KIF1A: variants seen among roughly 807,000 people sequenced by gnomAD.
The protein encoded by KIF1A is kinesin-like protein KIF1A.
Under a neutral mutation model 227.3 loss-of-function variants are expected in KIF1A, and 46 were observed. The observed-to-expected ratio is 0.20, with a 90% CI of 0.16 to 0.26. The LOEUF is 0.26. Ranked by LOEUF, KIF1A falls within the 10% of genes least tolerant of loss-of-function variation. The pLI is 1.00. For synonymous variants in KIF1A, 1,022 were observed against 1,012.8 expected (o/e 1.01, Z -0.17); for missense variants, 1,683 against 2,485.9 (o/e 0.68, Z 6.87).
At chr2:240,730,968 G>A (rs2046534009) in intron 38 of KIF1A, among the ~76,000 whole-genome samples, 1 of 152,182 alleles carries the variant, frequency 6.6e-6, no homozygotes, top group African/African-American at 2.4e-5. Flanking sequence ...CACCCTCCAA[G>A]CCCCCTGAGG....
chr2:240,725,766 C>A lies in KIF1A; in HGVS notation c.4123-362G>T. ...AATGTCTGTGAGGATCAAACCAGGT[C>A]TTGTTTGAATGTGCACATTTTAACC... On this transcript the variant is annotated intron_variant, in intron 39 of 48. Transcript: ENST00000498729. This position sits in a 1 kb window ranked among gnomAD's most constrained non-coding sequence, Gnocchi z 5.8. The A allele has an allele frequency of 4.7e-6, 1 of 214,766 alleles. No individual in the cohort carries two copies. Among genetic ancestry groups the A allele is most frequent in the Non-Finnish European group, 9.2e-6 (1 of 108,734 alleles). 13.3% of individuals were successfully genotyped at this position (214,766 alleles called of 1,614,324 possible). A position where few individuals can be genotyped will look rare whatever the true frequency, so the allele number is the denominator to read the frequency against.
intron 1 of KIF1A, among the ~76,000 whole-genome samples, chr2:240,812,954 CAA>C (rs2058036433): frequency 5.0e-3 from 704 of 141,148 alleles, no homozygotes; most frequent in African/African-American, 0.017. Flanking sequence ...GCCTTCACCT[CAA>C]GGATCCACCT....
intron 1 of KIF1A, among the ~76,000 whole-genome samples, chr2:240,807,151 T>TATAC (rs1421176467): frequency 1.5e-5 from 2 of 136,150 alleles, no homozygotes; most frequent in Non-Finnish European, 3.2e-5. Context: ...TATATATATA[T>TATAC]ACACAGAGAG....
rs1559531341 is a variant in KIF1A, at chr2:240,788,016, GC to G, written c.363+34del. 5 of 1,520,336 alleles carry G rather than the reference GC, an allele frequency of 3.3e-6. No homozygotes were observed. In the Admixed American group the frequency reaches 9.8e-5, roughly 30 times the overall value. The allele number at this position is 1,520,336 out of a possible 1,614,324, so 94.2% of individuals were successfully genotyped here. Reference sequence around the variant, plus strand: ...AGCCTCAGCTGGTCCCGCCCCATCTGCCAGGGCTGCCCCCGCCCGCCCCCCG... The same window carrying G: ...AGCCTCAGCTGGTCCCGCCCCATCTGCAGGGCTGCCCCCGCCCGCCCCCCG... On this transcript the variant is annotated intron_variant, in intron 4 of 48. Transcript: ENST00000498729. This position sits in a 1 kb window ranked among gnomAD's most constrained non-coding sequence, Gnocchi z 6.6.
At chr2:240,738,434 G>C (rs2047601032) in intron 37 of KIF1A, among the ~76,000 whole-genome samples, 1 of 152,186 alleles carries the variant, frequency 6.6e-6, no homozygotes, top group Non-Finnish European at 1.5e-5. Flanking sequence ...TCACAGGGCT[G>C]GAAAGTCCCA....
chr2:240,811,259 G>A (rs1304448000), intron 1 of KIF1A, among the ~76,000 whole-genome samples: 1 of 152,078 alleles, frequency 6.6e-6, no homozygotes, highest in Non-Finnish European at 1.5e-5. Context: ...CAGCTACTTG[G>A]GAGGCTGAGG....
intron 13 of KIF1A, 76 bp from the exon 14 acceptor site, chr2:240,772,672 C>T (rs959907238): frequency 8.2e-7 from 1 of 1,218,798 alleles, no homozygotes; most frequent in Non-Finnish European, 1.2e-6. Context: ...GAGGGTCAGG[C>T]ACGCCTTTCA....
chr2:240,753,586 G>A lies in KIF1A; in HGVS notation c.2859-3039C>T, dbSNP rs116574352. On this transcript the variant is annotated intron_variant, in intron 27 of 48. Transcript: ENST00000498729. ...CAACATGGCAGAAATCACAGCAGCC[G>A]GCATCTGTGGAGGCTCCCTAGGGGC... is the stretch of plus-strand genomic sequence containing the variant. 4.5e-3 allele frequency among the ~76,000 whole-genome samples: 685 copies of A among 152,276 alleles called. 5 individuals are homozygous for A. The highest frequency in any genetic ancestry group is 7.8e-3 in the Non-Finnish European group (532 of 68,024).
rs776985021 is a variant in KIF1A at position 240,722,561 on chromosome 2, G to T, written c.4560C>A (p.Asp1520Glu). Residue 1520 changes from aspartate (D) to glutamate (E), a missense_variant, in exon 43 of 49, where the codon GAC (aspartate) becomes GAA (glutamate). Around this residue, in one of 12 missense-constraint regions of KIF1A, gnomAD observed 384 missense variants for 410.1 expected, o/e 0.94. Transcript: ENST00000498729. ...PEALSPAFSE[D>E]SESHGSSSAS... The stretch of plus-strand genomic sequence containing the variant: ...CGCTGGAGGAGCCATGGGACTCAGA[G>T]TCCTCGCTGAAGGCCGGGGACAGTG... The T allele has an allele frequency of 1.3e-6, 2 of 1,553,444 alleles. No homozygotes were observed. Among genetic ancestry groups the T allele is most frequent in the South Asian group, 2.4e-5 (2 of 84,212 alleles).
chr2:240,783,886 C>G (rs993511067), intron 7 of KIF1A, 70 bp from the exon 8 acceptor site: 2 of 1,203,720 alleles, frequency 1.7e-6, no homozygotes, highest in African/African-American at 1.5e-5. Flanking sequence ...GACCCCTGGG[C>G]AAGGTCTCCA....
Position 240,788,048 on chromosome 2 carries a change from T to TG in KIF1A, c.363+2dup. ...CTGCCCCCGCCCGCCCCCCGCTTCGTGCCTGTGGGATGATGCCCTGCTGGT... is the reference window on the plus strand; with the variant it reads ...CTGCCCCCGCCCGCCCCCCGCTTCGTGGCCTGTGGGATGATGCCCTGCTGGT... On this transcript the variant is annotated splice_region_variant and intron_variant, in intron 4 of 48. Transcript: ENST00000498729. The surrounding 1 kb of genome is among the most constrained non-coding windows in gnomAD (Gnocchi z 6.6). 2 of 923,144 alleles carry TG rather than the reference T, an allele frequency of 2.2e-6. No individual in the cohort carries two copies. The highest frequency in any genetic ancestry group is 3.3e-6 in the Non-Finnish European group (2 of 614,784). The allele number at this position is 923,144 out of a possible 1,614,324, so 57.2% of individuals were successfully genotyped here.
At position 240,723,540 on chromosome 2, in the gene KIF1A, C is replaced by T. The variant is rs1337924125; in HGVS notation, c.4337G>A (p.Arg1446Gln). Reference protein sequence around the residue: ...AGSPGMQRRRRRVLDTSVAYV... With the variant: ...AGSPGMQRRRQRVLDTSVAYV... ...GGCCACAGATGTGTCCAGGACTCGT[C>T]GGCGCCGGCGCTGCATCCCTGCATG... is the stretch of plus-strand genomic sequence containing the variant. The change falls in exon 42 of 49, where the codon CGA becomes CAA. Residue 1446 changes from arginine to glutamine, a missense_variant. Around this residue, in one of 12 missense-constraint regions of KIF1A, gnomAD observed 759 missense variants for 1,020.2 expected, o/e 0.74. Coordinates refer to ENST00000498729, the MANE Select transcript of KIF1A (RefSeq NM_001244008.2). 3 of 1,539,544 alleles carry T rather than the reference C, an allele frequency of 1.9e-6. No homozygotes were observed. Among genetic ancestry groups the T allele is most frequent in the Non-Finnish European group, 2.6e-6 (3 of 1,138,332 alleles).
rs2052619522 is a variant in KIF1A at position 240,775,563 on chromosome 2, G to T, written c.958+288C>A. Among the ~76,000 whole-genome samples, 1 of 152,168 alleles carries T rather than the reference G, an allele frequency of 6.6e-6. No homozygotes were observed. Among genetic ancestry groups the T allele is most frequent in the Admixed American group, 6.5e-5 (1 of 15,280 alleles). Reference sequence around the variant, plus strand: ...AGAGAAGGATGAGTACTTGGCCTGGGTGTCACAGCCCACCTGACCCAGGAC... The same window carrying T: ...AGAGAAGGATGAGTACTTGGCCTGGTTGTCACAGCCCACCTGACCCAGGAC... On this transcript the variant is annotated intron_variant, in intron 11 of 48. Transcript: ENST00000498729. This position sits in a 1 kb window ranked among gnomAD's most constrained non-coding sequence, Gnocchi z 5.5.
chr2:240,778,589 C>T lies in KIF1A; in HGVS notation c.883-2663G>A, dbSNP rs1282739775. Among the ~76,000 whole-genome samples, 2 of 150,964 alleles carry T rather than the reference C, an allele frequency of 1.3e-5. No homozygotes were observed. Among genetic ancestry groups the T allele is most frequent in the African/African-American group, 4.9e-5 (2 of 40,700 alleles). On this transcript the variant is annotated intron_variant, in intron 10 of 48. Coordinates refer to ENST00000498729, the MANE Select transcript of KIF1A (RefSeq NM_001244008.2). The surrounding 1 kb of genome is among the most constrained non-coding windows in gnomAD (Gnocchi z 7.2). ...GGCCTCACAGCAGCCACGCAGCTCC[C>T]GAAAACCCCTTCAGCTCGGCCCCCG... is the stretch of plus-strand genomic sequence containing the variant.
Position 240,797,805 on chromosome 2 carries a change from G to A in KIF1A, c.-53C>T, listed in dbSNP as rs1400927129. On this transcript the variant is annotated 5_prime_UTR_variant, in exon 2 of 49. Coordinates refer to ENST00000498729, the MANE Select transcript of KIF1A (RefSeq NM_001244008.2). ...GCAGTAGTGGGAGCCCCAGTGTGGG[G>A]GGAACACCTTGGAAAAAAGGGAAAC... The A allele has an allele frequency of 6.1e-6, 7 of 1,151,190 alleles. No homozygotes were observed. Among genetic ancestry groups the A allele is most frequent in the South Asian group, 2.6e-5 (2 of 75,810 alleles). 71.3% of individuals were successfully genotyped at this position (1,151,190 alleles called of 1,614,324 possible).
At chr2:240,819,552 GC>G (rs1293678867) in intron 1 of KIF1A, among the ~76,000 whole-genome samples, 1 of 131,174 alleles carries the variant, frequency 7.6e-6, no homozygotes, top group Non-Finnish European at 1.6e-5. Context: ...TCCAGCATCC[GC>G]CCTCCCCCAC....
At chr2:240,737,274 T>A in intron 37 of KIF1A, 106 bp from the exon 38 acceptor site, 1 of 842,346 alleles carries the variant, frequency 1.2e-6, no homozygotes, top group Non-Finnish European at 2.1e-6. Context: ...CCCCACATGG[T>A]CACTAGAGCG....
Position 240,778,493 on chromosome 2 carries a change from G to A in KIF1A, c.883-2567C>T, listed in dbSNP as rs1036380683. On this transcript the variant is annotated intron_variant, in intron 10 of 48. Transcript: ENST00000498729. This position sits in a 1 kb window ranked among gnomAD's most constrained non-coding sequence, Gnocchi z 7.2. ...TTCTCAGAGCTCTCAGCAGGCGCTCGCAGCTCCCGCACAGCGTTACACACA... is the reference window on the plus strand; with the variant it reads ...TTCTCAGAGCTCTCAGCAGGCGCTCACAGCTCCCGCACAGCGTTACACACA... Among the ~76,000 whole-genome samples the A allele has an allele frequency of 2.4e-5, 3 of 126,390 alleles. No homozygotes were observed. The highest frequency in any genetic ancestry group is 2.3e-4 in the South Asian group (1 of 4,342). The allele number at this position is 126,390 out of a possible 152,430, so 82.9% of individuals were successfully genotyped here.
At chr2:240,731,933 AGGG>A (rs2046680075) in intron 38 of KIF1A, among the ~76,000 whole-genome samples, 4 of 24,046 alleles carry the variant, frequency 1.7e-4, no homozygotes, top group Admixed American at 3.9e-4. Flanking sequence ...AGGAGGGATG[AGGG>A]ATGGGGGGAG....
Sources: gnomAD v4.1 joint callset for allele counts (sites outside exome capture counted in the v4.1 genomes callset) on GRCh38, gnomAD v4.1.1 for gene constraint, gnomAD v4.1.1 regional missense constraint, Gnocchi (gnomAD v3.1) non-coding constraint, MANE v1.5 for transcripts, NCBI Gene and HGNC (gene_info 2026-07-23, HGNC 2026-07-21) for gene names.